The following SEPTIN9 variants were observed in gnomAD, a reference collection of about 807,000 sequenced individuals.
The protein encoded by SEPTIN9 is septin 9.
In SEPTIN9, 13 loss-of-function variants were observed where a neutral mutation model predicts 56.6. The ratio of observed to expected loss-of-function variants is 0.23; its 90% confidence interval spans 0.15 to 0.37. The LOEUF (loss-of-function observed/expected upper bound fraction) is 0.37. Among genes scored for constraint, SEPTIN9 ranks in the 10% least tolerant of loss-of-function variants. SEPTIN9 has a pLI of 1.00. For missense variants in SEPTIN9, 650 were observed against 823.1 expected (o/e 0.79, Z 2.57); for synonymous variants, 332 against 334.1 (o/e 0.99, Z 0.07).
Position 77,500,426 on chromosome 17 carries a change from T to C in SEPTIN9, c.*1768T>C. On this transcript the variant is annotated 3_prime_UTR_variant, in exon 12 of 12. Transcript: ENST00000427177. Reference sequence around the variant, plus strand: ...CAGCAGCATCCCAGCCTTGAGATGCTTCACTTTCCTTCTCTGTAACCAGAC... The same window carrying C: ...CAGCAGCATCCCAGCCTTGAGATGCCTCACTTTCCTTCTCTGTAACCAGAC... 1 of 226,972 alleles carries C rather than the reference T, an allele frequency of 4.4e-6. No individual in the cohort carries two copies. Among genetic ancestry groups the C allele is most frequent in the Non-Finnish European group, 8.8e-6 (1 of 113,940 alleles). 14.1% of individuals were successfully genotyped at this position (226,972 alleles called of 1,614,324 possible).
In SEPTIN9 at chr17:77,499,370, C is replaced by G. The variant is rs367973146; in HGVS notation, c.*712C>G. The G allele has an allele frequency of 2.0e-4, 117 of 571,456 alleles. No homozygotes were observed. The East Asian group carries it at 3.4e-3, about 16-fold the overall frequency. 35.4% of individuals were successfully genotyped at this position (571,456 alleles called of 1,614,324 possible). A position where few individuals can be genotyped will look rare whatever the true frequency, so the allele number is the denominator to read the frequency against. On this transcript the variant is annotated 3_prime_UTR_variant, in exon 12 of 12. Coordinates refer to ENST00000427177, the MANE Select transcript of SEPTIN9 (RefSeq NM_001113491.2). ...GGAGGCGTCTTCATCTCCCTGCCAT[C>G]CCCCTCTCACGCCACCCCCGCCCCC...
chr17:77,346,462 T>G (rs2033899928), intron 2 of SEPTIN9, among the ~76,000 whole-genome samples: 2 of 151,992 alleles, frequency 1.3e-5, no homozygotes, highest in Non-Finnish European at 2.9e-5. Context: ...TTTAGAAGTA[T>G]GTTGTTTAAT....
chr17:77,469,897 A>G (rs2038906733), intron 3 of SEPTIN9, among the ~76,000 whole-genome samples: 1 of 145,554 alleles, frequency 6.9e-6, no homozygotes, highest in Non-Finnish European at 1.5e-5. Context: ...TCATTCACTC[A>G]TCCACCCATC....
rs1044492500 is a variant in SEPTIN9 at position 77,436,118 on chromosome 17, C to G, written c.721+33415C>G. ...TTGAGCTCGGCGGCTGCCTTTCCACCCTGCGGGCCTGGTTGGGGAGTGTGA... is the reference window on the plus strand; with the variant it reads ...TTGAGCTCGGCGGCTGCCTTTCCACGCTGCGGGCCTGGTTGGGGAGTGTGA... On this transcript the variant is annotated intron_variant, in intron 3 of 11. Coordinates refer to ENST00000427177, the MANE Select transcript of SEPTIN9 (RefSeq NM_001113491.2). This position sits in a 1 kb window ranked among gnomAD's most constrained non-coding sequence, Gnocchi z 4.4. Among the ~76,000 whole-genome samples the G allele has an allele frequency of 6.6e-6, 1 of 152,210 alleles. No homozygotes were observed. The highest frequency in any genetic ancestry group is 1.5e-5 in the Non-Finnish European group (1 of 68,038).
At chr17:77,301,312 C>T (rs747061103) in intron 1 of SEPTIN9, among the ~76,000 whole-genome samples, 1 of 152,100 alleles carries the variant, frequency 6.6e-6, no homozygotes, top group Non-Finnish European at 1.5e-5. Context: ...CCACCTCAGC[C>T]TCCCAAACTG....
intron 3 of SEPTIN9, among the ~76,000 whole-genome samples, chr17:77,467,068 A>G (rs2038769630): frequency 6.6e-6 from 1 of 152,130 alleles, no homozygotes; most frequent in African/African-American, 2.4e-5. Flanking sequence ...CGGTTCCCGA[A>G]TCACTCTTCC....
At chr17:77,334,664 G>A (rs1370072149) in intron 2 of SEPTIN9, among the ~76,000 whole-genome samples, 1 of 151,822 alleles carries the variant, frequency 6.6e-6, no homozygotes, top group Non-Finnish European at 1.5e-5. Flanking sequence ...CCTACACTAA[G>A]GTCAAAAGAA....
intron 7 of SEPTIN9, 103 bp downstream of exon 7, chr17:77,488,967 G>C (rs2143361887): frequency 6.8e-7 from 1 of 1,467,462 alleles, no homozygotes; most frequent in South Asian, 1.3e-5. Flanking sequence ...TGGGTGCAGA[G>C]GGGCTGAGTC....
chr17:77,361,808 A>G (rs2034427200), intron 2 of SEPTIN9, among the ~76,000 whole-genome samples: 1 of 150,706 alleles, frequency 6.6e-6, no homozygotes, highest in East Asian at 1.9e-4. Context: ...AATTTTTTGT[A>G]TTTTTAGTAG....
rs2037278581 is a variant in SEPTIN9 at position 77,434,784 on chromosome 17, T to C, written c.721+32081T>C. Reference sequence around the variant, plus strand: ...ACCGGTGGCTCACCCCTCTTGCACCTGGACCTTGGGTGGCAGGCCTGGGGC... The same window carrying C: ...ACCGGTGGCTCACCCCTCTTGCACCCGGACCTTGGGTGGCAGGCCTGGGGC... On this transcript the variant is annotated intron_variant, in intron 3 of 11. Coordinates refer to ENST00000427177, the MANE Select transcript of SEPTIN9 (RefSeq NM_001113491.2). This position sits in a 1 kb window ranked among gnomAD's most constrained non-coding sequence, Gnocchi z 5.0. Among the ~76,000 whole-genome samples, 1 of 152,136 alleles carries C rather than the reference T, an allele frequency of 6.6e-6. No homozygotes were observed. Among genetic ancestry groups the C allele is most frequent in the Admixed American group, 6.5e-5 (1 of 15,286 alleles).
chr17:77,397,793 G>A lies in SEPTIN9; in HGVS notation c.77-4266G>A, dbSNP rs1477865660. ...GCCTTCCAAGTAGCTGGGATTACAG[G>A]CGCCCACCCCCATGCCTAGCTAATT... On this transcript the variant is annotated intron_variant, in intron 2 of 11. Coordinates refer to ENST00000427177, the MANE Select transcript of SEPTIN9 (RefSeq NM_001113491.2). Among the ~76,000 whole-genome samples the A allele has an allele frequency of 2.0e-5, 3 of 152,148 alleles. No individual in the cohort carries two copies. In the East Asian group the frequency reaches 5.8e-4, roughly 29 times the overall value.
intron 1 of SEPTIN9, among the ~76,000 whole-genome samples, chr17:77,292,963 T>C (rs984320898): frequency 6.6e-6 from 1 of 152,140 alleles, no homozygotes; most frequent in Non-Finnish European, 1.5e-5. Context: ...TAATGGGGTC[T>C]AACCAGGAAA....
intron 2 of SEPTIN9, among the ~76,000 whole-genome samples, chr17:77,315,449 A>G (rs2032662115): frequency 1.3e-5 from 2 of 152,052 alleles, no homozygotes; most frequent in Admixed American, 1.3e-4. Flanking sequence ...CACCATGCCC[A>G]GCTAATTTTT....
chr17:77,441,360 G>A (rs565541975), intron 3 of SEPTIN9, among the ~76,000 whole-genome samples: 12 of 152,300 alleles, frequency 7.9e-5, no homozygotes, highest in South Asian at 6.2e-4. Flanking sequence ...CCCCTGCCCC[G>A]GAGGGAAAAA....
chr17:77,325,421 G>A (rs2033096821), intron 2 of SEPTIN9, among the ~76,000 whole-genome samples: 2 of 152,198 alleles, frequency 1.3e-5, no homozygotes, highest in African/African-American at 4.8e-5. Flanking sequence ...GAGGAGTGGG[G>A]AAGTCCCGGG....
Position 77,425,875 on chromosome 17 carries a change from C to T in SEPTIN9, c.721+23172C>T, listed in dbSNP as rs560559311. Reference sequence around the variant, plus strand: ...TGTGCGGTCTTGGACAGTCCCAGCCCTCCTGGAGCTGAGCATCCTGATCTG... The same window carrying T: ...TGTGCGGTCTTGGACAGTCCCAGCCTTCCTGGAGCTGAGCATCCTGATCTG... On this transcript the variant is annotated intron_variant, in intron 3 of 11. Coordinates refer to ENST00000427177, the MANE Select transcript of SEPTIN9 (RefSeq NM_001113491.2). The surrounding 1 kb of genome is among the most constrained non-coding windows in gnomAD (Gnocchi z 4.2). Among the ~76,000 whole-genome samples, 18 of 152,360 alleles carry T rather than the reference C, an allele frequency of 1.2e-4. No individual in the cohort carries two copies. The highest frequency in any genetic ancestry group is 3.4e-3 in the Middle Eastern group (1 of 294).
chr17:77,305,441 G>C (rs188838456), intron 1 of SEPTIN9, among the ~76,000 whole-genome samples: 5 of 152,222 alleles, frequency 3.3e-5, no homozygotes, highest in Non-Finnish European at 7.4e-5. Flanking sequence ...CCTGCTCAGC[G>C]TCCTCCGGTC....
intron 3 of SEPTIN9, among the ~76,000 whole-genome samples, chr17:77,431,979 T>C (rs1228309394): frequency 6.6e-6 from 1 of 152,058 alleles, no homozygotes; most frequent in Non-Finnish European, 1.5e-5. Context: ...AAAAAATGTT[T>C]CGTGGCTGGC....
rs532729650 is a variant in SEPTIN9, at chr17:77,470,242, C to T, written c.722-11902C>T. ...CCCATCTATCCACCCATGTATCCAT[C>T]CACTCATCCACCCATCCACTCATCT... On this transcript the variant is annotated intron_variant, in intron 3 of 11. Coordinates refer to ENST00000427177, the MANE Select transcript of SEPTIN9 (RefSeq NM_001113491.2). Among the ~76,000 whole-genome samples, 38 of 150,268 alleles carry T rather than the reference C, an allele frequency of 2.5e-4. 1 individual carries two copies. The highest frequency in any genetic ancestry group is 4.3e-4 in the South Asian group (2 of 4,664).
Sources: allele counts gnomAD v4.1 joint callset (sites outside exome capture counted in the v4.1 genomes callset), GRCh38; gene constraint gnomAD v4.1.1; non-coding constraint Gnocchi (gnomAD v3.1); transcripts MANE v1.5; gene names NCBI Gene and HGNC (gene_info 2026-07-23, HGNC 2026-07-21).